AGBL1: variants seen among roughly 807,000 people sequenced by gnomAD.
AGBL1 encodes the protein cytosolic carboxypeptidase 4.
A neutral mutation model predicts 118.9 loss-of-function variants in AGBL1; 130 were observed. The ratio of observed to expected loss-of-function variants is 1.09; its 90% CI spans 0.95 to 1.26. The LOEUF (loss-of-function observed/expected upper bound fraction) is 1.26. Among genes scored for constraint, AGBL1 ranks in the 50% most tolerant of loss-of-function variants. AGBL1 has a pLI of 0.00. For missense variants in AGBL1, 1,584 were observed against 1,298.1 expected (o/e 1.22, Z -3.38); for synonymous variants, 555 against 478.9 (o/e 1.16, Z -2.08).
chr15:86,947,946 T>G (rs1306108543), intron 23 of AGBL1, among the ~76,000 whole-genome samples: 1 of 152,228 alleles, frequency 6.6e-6, no homozygotes, highest in African/African-American at 2.4e-5. Context: ...AATTATCTGC[T>G]TTAGCTGAAG....
At chr15:86,821,399 C>T (rs530825724) in intron 22 of AGBL1, among the ~76,000 whole-genome samples, 1 of 152,162 alleles carries the variant, frequency 6.6e-6, no homozygotes, top group South Asian at 2.1e-4. Context: ...AATTTGAAAT[C>T]TAAGGCTAAG....
chr15:86,164,822 G>A (rs972152675), intron 5 of AGBL1, among the ~76,000 whole-genome samples: 3 of 152,170 alleles, frequency 2.0e-5, no homozygotes, highest in African/African-American at 7.2e-5. Context: ...CACACTTCCA[G>A]AAAGAGGACT....
chr15:86,654,201 G>A (rs1234255877), intron 21 of AGBL1, among the ~76,000 whole-genome samples: 2 of 152,010 alleles, frequency 1.3e-5, no homozygotes, highest in Non-Finnish European at 2.9e-5. Flanking sequence ...AGCAAGAAGG[G>A]GAGTCTTTGG....
intron 21 of AGBL1, among the ~76,000 whole-genome samples, chr15:86,608,497 T>G (rs2084613616): frequency 6.6e-6 from 1 of 152,206 alleles, no homozygotes. Flanking sequence ...CTGAATAGCC[T>G]TGCAACCTTC....
At chr15:87,000,324 A>T (rs1238229228) in intron 24 of AGBL1, among the ~76,000 whole-genome samples, 4 of 102,916 alleles carry the variant, frequency 3.9e-5, no homozygotes, top group African/African-American at 1.1e-4. Flanking sequence ...CTGAATGGTA[A>T]TGCCTAGGTT....
At chr15:86,185,951 A>G (rs866314983) in intron 5 of AGBL1, among the ~76,000 whole-genome samples, 20 of 152,262 alleles carry the variant, frequency 1.3e-4, no homozygotes, top group African/African-American at 4.8e-4. Context: ...TTCTAAAATA[A>G]AAATTTTTTT....
chr15:86,987,471 T>C (rs35500557), intron 23 of AGBL1, among the ~76,000 whole-genome samples: 13,887 of 152,280 alleles, frequency 0.091, 840 homozygotes, highest in East Asian at 0.28. Context: ...CCAAATTGTA[T>C]GCCTTTTATT....
At chr15:86,320,586 T>A (rs960763980) in intron 17 of AGBL1, among the ~76,000 whole-genome samples, 1 of 152,132 alleles carries the variant, frequency 6.6e-6, no homozygotes, top group Admixed American at 6.6e-5. Context: ...TATTCTTTAT[T>A]TTCTCTTTTT....
At position 86,378,669 on chromosome 15, in the gene AGBL1, G is replaced by T. The variant is rs1266210940; in HGVS notation, c.2375-18697G>T. On this transcript the variant is annotated intron_variant, in intron 17 of 22. Coordinates refer to ENST00000614907, the MANE Select transcript of AGBL1 (RefSeq NM_001386094.1). Reference sequence around the variant, plus strand: ...TTCTGTCTCCTTTAATTTTTACAATGCAGTGAGATGGGATTATTATTATTA... The same window carrying T: ...TTCTGTCTCCTTTAATTTTTACAATTCAGTGAGATGGGATTATTATTATTA... 5.0e-5 allele frequency among the ~76,000 whole-genome samples: 7 copies of T among 140,008 alleles called. No homozygotes were observed. In the East Asian group the frequency reaches 1.7e-3, roughly 33 times the overall value. 91.9% of individuals were successfully genotyped at this position (140,008 alleles called of 152,430 possible).
intron 21 of AGBL1, among the ~76,000 whole-genome samples, chr15:86,647,557 C>G (rs572927491): frequency 2.6e-5 from 4 of 152,122 alleles, no homozygotes; most frequent in Non-Finnish European, 4.4e-5. Context: ...AAAAATTAGC[C>G]AAATGTGGTG....
intron 18 of AGBL1, among the ~76,000 whole-genome samples, chr15:86,444,874 T>C (rs2082103567): frequency 6.6e-6 from 1 of 152,196 alleles, no homozygotes; most frequent in South Asian, 2.1e-4. Flanking sequence ...GAAAGTTAAA[T>C]TGTGAGTTCA....
chr15:86,383,737 G>C (rs2141965532), intron 17 of AGBL1, among the ~76,000 whole-genome samples: 1 of 152,330 alleles, frequency 6.6e-6, no homozygotes, highest in South Asian at 2.1e-4. Context: ...AGTGCTGCAA[G>C]AGCAGATACT....
chr15:86,273,454 G>GT (rs1292267125), intron 15 of AGBL1, among the ~76,000 whole-genome samples: 1 of 152,136 alleles, frequency 6.6e-6, no homozygotes, highest in Admixed American at 6.5e-5. Context: ...TATTCACCAC[G>GT]TTGTGTTAAC....
At chr15:86,437,957 G>A (rs907851242) in intron 18 of AGBL1, among the ~76,000 whole-genome samples, 4 of 152,040 alleles carry the variant, frequency 2.6e-5, no homozygotes, top group African/African-American at 9.7e-5. Context: ...CCAGGCTGGA[G>A]TGCAATGGTG....
intron 23 of AGBL1, among the ~76,000 whole-genome samples, chr15:86,967,659 G>T (rs901716833): frequency 6.6e-6 from 1 of 152,034 alleles, no homozygotes; most frequent in Admixed American, 6.6e-5. Flanking sequence ...TATTTCTGAG[G>T]GTTCTATTCT....
rs749512556 is a variant in AGBL1 at position 86,876,772 on chromosome 15, G to C, written c.3159-30315G>C. Among the ~76,000 whole-genome samples, 91 of 152,296 alleles carry C rather than the reference G, an allele frequency of 6.0e-4. No homozygotes were observed. In the Middle Eastern group the frequency reaches 0.01, roughly 17 times the overall value. On this transcript the variant is annotated intron_variant, in intron 22 of 22. Transcript: ENST00000614907. The stretch of plus-strand genomic sequence containing the variant: ...AAATATATATTTACAAAAACAGGCA[G>C]TGGGCCAGATTTGCCTTGCAGAATG...
At chr15:86,364,981 A>ATATATATATATG (rs2080861626) in intron 17 of AGBL1, among the ~76,000 whole-genome samples, 1 of 76,288 alleles carries the variant, frequency 1.3e-5, no homozygotes, top group African/African-American at 4.1e-5. Context: ...ATATATATAT[A>ATATATATATATG]TATATATACA....
chr15:86,979,284 G>A (rs1392585545), intron 23 of AGBL1, among the ~76,000 whole-genome samples: 2 of 152,230 alleles, frequency 1.3e-5, no homozygotes, highest in Non-Finnish European at 1.5e-5. Flanking sequence ...TATTGAAAAT[G>A]CAAACAAAAA....
chr15:86,847,462 G>C (rs1458978739), intron 22 of AGBL1, among the ~76,000 whole-genome samples: 1 of 152,196 alleles, frequency 6.6e-6, no homozygotes, highest in African/African-American at 2.4e-5. Flanking sequence ...CTTTGACTAA[G>C]TCTTTGTCAT....
Sources: gnomAD v4.1 joint callset for allele counts (sites outside exome capture counted in the v4.1 genomes callset) on GRCh38, gnomAD v4.1.1 for gene constraint, MANE v1.5 for transcripts, NCBI Gene and HGNC (gene_info 2026-07-23, HGNC 2026-07-21) for gene names.